NMT2: variants seen among roughly 807,000 people sequenced by gnomAD.
NMT2 encodes N-myristoyltransferase 2, also known as glycylpeptide N-tetradecanoyltransferase 2.
Under a neutral mutation model 65.4 loss-of-function variants are expected in NMT2, and 35 were observed. That is an observed-to-expected ratio of 0.54 (90% CI 0.41 to 0.71). The LOEUF (loss-of-function observed/expected upper bound fraction) is 0.71. NMT2 is among the 30% of genes least tolerant of loss of function. NMT2 has a pLI of 0.00. For synonymous variants in NMT2, 226 were observed against 231.8 expected, an observed-to-expected ratio of 0.98 and a Z score of 0.23; for missense variants, 489 against 611.3, an observed-to-expected ratio of 0.80 and a Z score of 2.11.
intron 2 of NMT2, chr10:15,139,824 A>G (rs902742590): frequency 1.4e-5 from 2 of 146,630 alleles, no homozygotes; most frequent in African/African-American, 2.5e-5. Context: ...TGCATAAGAA[A>G]AAAGGAAATC....
intron 2 of NMT2, among the ~76,000 whole-genome samples, chr10:15,139,250 C>CTCTATCTATCTATCTA (rs148766759): frequency 2.2e-4 from 32 of 146,780 alleles, no homozygotes; most frequent in South Asian, 2.2e-4. Flanking sequence ...ATAAACTCCC[C>CTCTATCTATCTATCTA]TCTATCTATC....
intron 1 of NMT2, chr10:15,154,900 C>T (rs955704833): frequency 2.3e-6 from 2 of 883,314 alleles, no homozygotes; most frequent in Non-Finnish European, 3.8e-6. Flanking sequence ...CCTTCTTTCA[C>T]CCTGCCAGAG....
intron 1 of NMT2, among the ~76,000 whole-genome samples, chr10:15,155,519 C>A (rs1832966345): frequency 6.8e-6 from 1 of 146,430 alleles, no homozygotes; most frequent in South Asian, 2.2e-4. Context: ...CAGGTGTATG[C>A]CACTATGCCG....
chr10:15,108,522 A>G lies in NMT2; in HGVS notation c.*673T>C. ...AGAGAGCACAGTGAGTGCTTGCACA[A>G]AACTCTGCTTTTGAAGCAATCCACT... On this transcript the variant is annotated 3_prime_UTR_variant, in exon 12 of 12. Transcript: ENST00000378165. The G allele has an allele frequency of 1.0e-6, 1 of 985,756 alleles. No homozygotes were observed. The allele number at this position is 985,756 out of a possible 1,614,324, so 61.1% of individuals were successfully genotyped here.
intron 1 of NMT2, among the ~76,000 whole-genome samples, chr10:15,163,975 G>C (rs963962004): frequency 2.0e-5 from 3 of 151,928 alleles, no homozygotes; most frequent in East Asian, 1.9e-4. Flanking sequence ...GTCAGGAGAT[G>C]GAGACCATCC....
At chr10:15,137,931 C>T (rs374720082) in intron 2 of NMT2, among the ~76,000 whole-genome samples, 1 of 151,930 alleles carries the variant, frequency 6.6e-6, no homozygotes, top group South Asian at 2.1e-4. Context: ...CACACCTCTA[C>T]ATGAAATGTC....
intron 1 of NMT2, among the ~76,000 whole-genome samples, chr10:15,162,465 A>T (rs935715665): frequency 1.3e-5 from 2 of 152,112 alleles, no homozygotes; most frequent in Non-Finnish European, 2.9e-5. Context: ...ATTAATTCAA[A>T]TAAAATAAAA....
Position 15,112,954 on chromosome 10 carries a change from C to A in NMT2, c.1180G>T (p.Gly394Cys). The A allele has an allele frequency of 6.2e-7, 1 of 1,614,024 alleles. No homozygotes were observed. Among genetic ancestry groups the A allele is most frequent in the Non-Finnish European group, 8.5e-7 (1 of 1,179,988 alleles). ...IDTFVVESPN[G>C]KLTDFLSFYT... ...AAGCTCAGGAAATCAGTCAGTTTAC[C>A]GTTGGGGCTCTAGGAGCAAAAGTGC... Residue 394 changes from glycine to cysteine, a missense_variant, in exon 10 of 12, where the codon GGT (glycine) becomes TGT (cysteine). By Grantham distance (159) the Gly-to-Cys change is radical. Transcript: ENST00000378165.
chr10:15,126,835 C>T (rs374201467), intron 8 of NMT2, among the ~76,000 whole-genome samples: 6 of 152,336 alleles, frequency 3.9e-5, no homozygotes, highest in African/African-American at 1.4e-4. Flanking sequence ...TTGTTTTAAG[C>T]AGCTCAGTTT....
At position 15,106,358 on chromosome 10, in the gene NMT2, TAA is replaced by T. The variant is rs1491171227; in HGVS notation, c.*2835_*2836del. 6.5e-6 allele frequency: 1 copy of T among 153,070 alleles called. No homozygotes were observed. The highest frequency in any genetic ancestry group is 1.5e-5 in the Non-Finnish European group (1 of 68,436). 9.5% of individuals were successfully genotyped at this position (153,070 alleles called of 1,614,324 possible). On this transcript the variant is annotated 3_prime_UTR_variant, in exon 12 of 12. Coordinates refer to ENST00000378165, the MANE Select transcript of NMT2 (RefSeq NM_004808.3). ...TTGTGGCATGAAAATGAGTGGGAAG[TAA>T]AGTCCTAAATTAGAGCCTTGACTCC...
At chr10:15,157,417 C>T (rs967471991) in intron 1 of NMT2, among the ~76,000 whole-genome samples, 3 of 152,130 alleles carry the variant, frequency 2.0e-5, no homozygotes, top group South Asian at 2.1e-4. Flanking sequence ...GGGTACCTCC[C>T]GGCAGCGCTT....
intron 1 of NMT2, among the ~76,000 whole-genome samples, chr10:15,156,485 CG>C (rs953344655): frequency 6.6e-6 from 1 of 152,074 alleles, no homozygotes; most frequent in African/African-American, 2.4e-5. Flanking sequence ...CGGACTAATA[CG>C]GGGCGGAGGC....
intron 1 of NMT2, among the ~76,000 whole-genome samples, chr10:15,159,396 A>ATATTTATTTATTTATT (rs112463294): frequency 0.017 from 2,547 of 149,292 alleles, 29 homozygotes; most frequent in East Asian, 0.035. Context: ...CCTCCTTAAA[A>ATATTTATTTATTTATT]TATTTATTTA....
rs1845399968 is a variant in NMT2 at position 15,108,650 on chromosome 10, C to G, written c.*545G>C. On this transcript the variant is annotated 3_prime_UTR_variant, in exon 12 of 12. Coordinates refer to ENST00000378165, the MANE Select transcript of NMT2 (RefSeq NM_004808.3). ...GTCACCAGTACATTTTAATATTGCTCTGCACTTAAACAACCACCACCTGTC... is the reference window on the plus strand; with the variant it reads ...GTCACCAGTACATTTTAATATTGCTGTGCACTTAAACAACCACCACCTGTC... 1.0e-6 allele frequency: 1 copy of G among 989,228 alleles called. No homozygotes were observed. The highest frequency in any genetic ancestry group is 6.1e-5 in the Admixed American group (1 of 16,290). 61.3% of individuals were successfully genotyped at this position (989,228 alleles called of 1,614,324 possible).
chr10:15,148,481 C>T (rs1315174004), intron 1 of NMT2, among the ~76,000 whole-genome samples: 1 of 152,168 alleles, frequency 6.6e-6, no homozygotes, highest in East Asian at 1.9e-4. Context: ...CCACTACAGT[C>T]AGCCTGGGCA....
intron 2 of NMT2, among the ~76,000 whole-genome samples, chr10:15,140,770 C>T (rs1846725025): frequency 6.6e-6 from 1 of 152,186 alleles, no homozygotes; most frequent in South Asian, 2.1e-4. Context: ...TGGGGGTTGG[C>T]TCCACAGACA....
intron 2 of NMT2, chr10:15,138,522 A>AATAT (rs1189920071): frequency 2.1e-6 from 1 of 469,474 alleles, no homozygotes; most frequent in Non-Finnish European, 4.4e-6. Context: ...CTCCTATATA[A>AATAT]GAGGCAGGTA....
intron 9 of NMT2, among the ~76,000 whole-genome samples, chr10:15,115,919 G>A (rs182913703): frequency 6.6e-6 from 1 of 152,116 alleles, no homozygotes; most frequent in African/African-American, 2.4e-5. Context: ...TCAAACAAGA[G>A]GCCCAGAAGA....
rs1287336416 is a variant in NMT2, at chr10:15,107,407, C to A, written c.*1788G>T. 8 of 985,334 alleles carry A rather than the reference C, an allele frequency of 8.1e-6. No homozygotes were observed. Among genetic ancestry groups the A allele is most frequent in the Non-Finnish European group, 9.6e-6 (8 of 829,940 alleles). 61.0% of individuals were successfully genotyped at this position (985,334 alleles called of 1,614,324 possible). On this transcript the variant is annotated 3_prime_UTR_variant, in exon 12 of 12. Transcript: ENST00000378165. Reference sequence around the variant, plus strand: ...CCATCATGTCTAAAACAATTAACTTCTGCACTGAACTTCCTAGGCACTGGC... The same window carrying A: ...CCATCATGTCTAAAACAATTAACTTATGCACTGAACTTCCTAGGCACTGGC...
Sources: gnomAD v4.1 joint callset for allele counts (sites outside exome capture counted in the v4.1 genomes callset) on GRCh38, gnomAD v4.1.1 for gene constraint, MANE v1.5 for transcripts, NCBI Gene and HGNC (gene_info 2026-07-23, HGNC 2026-07-21) for gene names.